ALG3: variants seen among roughly 807,000 people sequenced by gnomAD.
ALG3 encodes dol-P-Man:Man(5)GlcNAc(2)-PP-Dol alpha-1,3-mannosyltransferase.
A neutral mutation model predicts 50.5 loss-of-function variants in ALG3; 39 were observed. The observed-to-expected ratio is 0.77, with a 90% CI of 0.60 to 1.01. The LOEUF (loss-of-function observed/expected upper bound fraction) is 1.01, where lower values mean the gene tolerates loss of function less well. Ranked by LOEUF, ALG3 falls within the 50% of genes least tolerant of loss-of-function variation. ALG3 has a pLI of 0.00. For missense variants in ALG3, 520 were observed against 554.8 expected (o/e 0.94, Z 0.63); for synonymous variants, 252 against 237.2 (o/e 1.06, Z -0.58).
rs1240902904 is a variant in ALG3 at position 184,245,535 on chromosome 3, T to C, written c.377A>G (p.Asn126Ser). 3 of 1,613,936 alleles carry C rather than the reference T, an allele frequency of 1.9e-6. No individual in the cohort carries two copies. Among genetic ancestry groups the C allele is most frequent in the East Asian group, 4.5e-5 (2 of 44,886 alleles). ...SRGTDIRMAQ[N>S]IFAVLYLATL... The stretch of plus-strand genomic sequence containing the variant: ...AGCCAGGTAGAGCACAGCAAAGATG[T>C]TCTGGGCCATGCGGATGTCAGTGCC... Residue 126 changes from asparagine to serine, a missense_variant, in exon 3 of 9, where the codon AAC (asparagine) becomes AGC (serine). Physicochemically the swap from Asn to Ser is conservative, Grantham distance 46. Transcript: ENST00000397676.
intron 5 of ALG3, chr3:184,244,231 A>G (rs1013828398): frequency 5.3e-6 from 3 of 565,586 alleles, no homozygotes; most frequent in Admixed American, 3.2e-5. Flanking sequence ...TCACCAAGTC[A>G]TAACTGGGCA....
intron 1 of ALG3, 39 bp downstream of exon 1, chr3:184,248,706 T>C: frequency 6.8e-7 from 1 of 1,467,648 alleles, no homozygotes; most frequent in South Asian, 1.3e-5. Context: ...CGGGTTCAGG[T>C]CTCCCTCCCT....
chr3:184,249,422 G>A, upstream of ALG3: 1 of 994,170 alleles, frequency 1.0e-6, no homozygotes, highest in Non-Finnish European at 1.5e-6. Context: ...TTGAAAATAT[G>A]AGAGGACGCA....
intron 1 of ALG3, among the ~76,000 whole-genome samples, chr3:184,246,911 T>G (rs1273599653): frequency 6.6e-6 from 1 of 151,908 alleles, no homozygotes; most frequent in African/African-American, 2.4e-5. Flanking sequence ...TTTGTTTGTT[T>G]GTTTTTCTTT....
At chr3:184,244,137 C>A in intron 5 of ALG3, 141 bp from the exon 6 acceptor site, 5 of 854,226 alleles carry the variant, frequency 5.9e-6, no homozygotes, top group Non-Finnish European at 9.0e-6. Context: ...AGGAAAACCA[C>A]GTTCCCCACC....
chr3:184,244,613 A>AGGTTCCCCCTTGGGGAGGGCCC lies in ALG3; in HGVS notation c.713_714insGGGCCCTCCCCAAGGGGGAACC (p.Cys238TrpfsTer33). 1 of 1,610,084 alleles carries AGGTTCCCCCTTGGGGAGGGCCC rather than the reference A, an allele frequency of 6.2e-7. No homozygotes were observed. Among genetic ancestry groups the AGGTTCCCCCTTGGGGAGGGCCC allele is most frequent in the African/African-American group, 1.3e-5 (1 of 74,922 alleles). On this transcript the variant is annotated frameshift_variant, in exon 5 of 9. Coordinates refer to ENST00000397676, the MANE Select transcript of ALG3 (RefSeq NM_005787.6). LOFTEE classifies it high-confidence loss of function. ...GAGATGGGGGTACCTGAAGGCCAGC[A>AGGTTCCCCCTTGGGGAGGGCCC]CAGATTCCCAGCTTGGGGAGGGCCC...
chr3:184,248,971 C>T (rs758955754), upstream of ALG3: 7 of 1,551,874 alleles, frequency 4.5e-6, no homozygotes, highest in African/African-American at 9.5e-5. Context: ...GTGGGCCCAC[C>T]ACCCCCGGAA....
chr3:184,243,343 G>A (rs1284270761), intron 7 of ALG3: 2 of 598,676 alleles, frequency 3.3e-6, no homozygotes, highest in East Asian at 2.8e-5. Context: ...TAGTACCAGG[G>A]AGAAGTACTC....
chr3:184,248,400 A>C (rs1330067830), intron 1 of ALG3, among the ~76,000 whole-genome samples: 2 of 152,118 alleles, frequency 1.3e-5, no homozygotes. Context: ...CACATGGAAA[A>C]AGCTGAGATC....
chr3:184,248,922 T>C lies in ALG3; in HGVS notation c.19A>G (p.Lys7Glu), dbSNP rs775068875. Residue 7 changes from lysine to glutamate, a missense_variant, in exon 1 of 9, where the codon AAA becomes GAA. By Grantham distance (56) the Lys-to-Glu change is moderately conservative (BLOSUM62 1). This residue lies in a region of ALG3 where 290 missense variants were observed against 265.9 expected (regional missense o/e 1.09). Transcript: ENST00000397676. MAAGLR[K>E]RGRSGSAAQA... ...GCCGCGGAACCGGACCGGCCGCGTT[T>C]CCGCAGCCCAGCCGCCATCTTAACG... 1 of 1,587,576 alleles carries C rather than the reference T, an allele frequency of 6.3e-7. No individual in the cohort carries two copies. The highest frequency in any genetic ancestry group is 8.6e-7 in the Non-Finnish European group (1 of 1,168,060).
At chr3:184,245,438 G>A in intron 3 of ALG3, 30 bp downstream of exon 3, 5 of 1,613,314 alleles carry the variant, frequency 3.1e-6, no homozygotes, top group Non-Finnish European at 4.2e-6. Context: ...CCCAGGCTGG[G>A]GCCCTCTAGC....
intron 1 of ALG3, among the ~76,000 whole-genome samples, chr3:184,246,831 C>G (rs984504578): frequency 1.1e-4 from 17 of 152,006 alleles, no homozygotes; most frequent in African/African-American, 3.9e-4. Flanking sequence ...TGTGTGCCAC[C>G]ATGCTTGGCT....
chr3:184,242,844 T>C lies in ALG3; in HGVS notation c.1123A>G (p.Met375Val). The C allele has an allele frequency of 6.2e-7, 1 of 1,613,912 alleles. No homozygotes were observed. Among genetic ancestry groups the C allele is most frequent in the South Asian group, 1.1e-5 (1 of 91,080 alleles). The change falls in exon 8 of 9, where the codon ATG (methionine) becomes GTG (valine). Residue 375 changes from methionine to valine, a missense_variant. Transcript: ENST00000397676. ...FHTLPYLLWA[M>V]PARWLTHLLR... ...AGGTGTGTGAGCCAGCGTGCAGGCA[T>C]GGCCCACAGGAGGTAGGGCAGTGTG...
Position 184,248,914 on chromosome 3 carries a change from G to T in ALG3, c.27C>A (p.Gly9=), listed in dbSNP as rs779366489. Residue 9 remains glycine, a synonymous_variant, in exon 1 of 9, where the codon GGC becomes GGA. Transcript: ENST00000397676. MAAGLRKR[G]RSGSAAQAEG... ...CTGCCTGGGCCGCGGAACCGGACCG[G>T]CCGCGTTTCCGCAGCCCAGCCGCCA... The T allele has an allele frequency of 1.2e-5, 19 of 1,591,908 alleles. No individual in the cohort carries two copies. The highest frequency in any genetic ancestry group is 1.5e-5 in the Non-Finnish European group (18 of 1,170,116).
intron 1 of ALG3, 33 bp from the exon 2 acceptor site, chr3:184,245,845 G>C: frequency 1.3e-6 from 2 of 1,571,574 alleles, no homozygotes; most frequent in Non-Finnish European, 1.7e-6. Flanking sequence ...GGTTACTTCT[G>C]AGTCTAGAAC....
chr3:184,246,046 G>C (rs756244306), intron 1 of ALG3, among the ~76,000 whole-genome samples: 1 of 151,858 alleles, frequency 6.6e-6, no homozygotes, highest in Non-Finnish European at 1.5e-5. Context: ...CTTTTCCTGG[G>C]TTCCGCAAAT....
chr3:184,248,880 A>C lies in ALG3; in HGVS notation c.61T>G (p.Cys21Gly), dbSNP rs773806254. ...CAGGCGCGCTGCAGCCATTGCTTGC[A>C]GAGTCCCTCTGCCTGGGCCGCGGAA... ...SGSAAQAEGL[C>G]KQWLQRAWQE... is the part of the protein sequence containing the mutation. Residue 21 changes from cysteine to glycine, a missense_variant, in exon 1 of 9, where the codon TGC (cysteine) becomes GGC (glycine). By Grantham distance (159) the Cys-to-Gly change is radical. Coordinates refer to ENST00000397676, the MANE Select transcript of ALG3 (RefSeq NM_005787.6). The C allele has an allele frequency of 3.2e-5, 51 of 1,606,182 alleles. No homozygotes were observed. Among genetic ancestry groups the C allele is most frequent in the Middle Eastern group, 1.7e-4 (1 of 5,978 alleles).
intron 1 of ALG3, among the ~76,000 whole-genome samples, chr3:184,247,210 G>C (rs901401933): frequency 3.3e-5 from 5 of 151,678 alleles, no homozygotes; most frequent in African/African-American, 4.8e-5. Context: ...AGCCAGGCTG[G>C]TCTTTAACTC....
Position 184,243,626 on chromosome 3 carries a change from C to G in ALG3, c.937G>C (p.Gly313Arg). 8.1e-6 allele frequency: 13 copies of G among 1,613,904 alleles called. No homozygotes were observed. Among genetic ancestry groups the G allele is most frequent in the Non-Finnish European group, 1.1e-5 (13 of 1,179,856 alleles). Residue 313 changes from glycine (G) to arginine (R), a missense_variant, in exon 7 of 9, where the codon GGG (glycine) becomes CGG (arginine). This residue lies in a region of ALG3 where 224 missense variants were observed against 272.8 expected (regional missense o/e 0.82). Coordinates refer to ENST00000397676, the MANE Select transcript of ALG3 (RefSeq NM_005787.6). ...LFALCRWHRT[G>R]ESILSLLRDP... ...CTCAGCAGCGACAAGATACTTTCCC[C>G]TGTCCTGGAGAAAAGCCATTCAGAC...
Sources: gnomAD v4.1 joint callset for allele counts (sites outside exome capture counted in the v4.1 genomes callset) on GRCh38, gnomAD v4.1.1 for gene constraint, gnomAD v4.1.1 regional missense constraint, MANE v1.5 for transcripts, NCBI Gene and HGNC (gene_info 2026-07-23, HGNC 2026-07-21) for gene names.